The following LYN variants were observed in gnomAD, a reference collection of about 807,000 sequenced individuals.
LYN encodes the protein LYN proto-oncogene, Src family tyrosine kinase, also known as tyrosine-protein kinase Lyn.
In LYN, 12 loss-of-function variants were observed where a neutral mutation model predicts 65.0. The ratio of observed to expected loss-of-function variants is 0.18; its 90% confidence interval spans 0.12 to 0.30. The LOEUF is 0.30. Among genes scored for constraint, LYN ranks in the 10% least tolerant of loss-of-function variants. The pLI is 1.00. For missense variants in LYN, 380 were observed against 623.2 expected (o/e 0.61, Z 4.16); for synonymous variants, 222 against 221.2 (o/e 1.00, Z -0.03).
chr8:55,957,637 ACT>A (rs1261930184), intron 8 of LYN, among the ~76,000 whole-genome samples: 5 of 152,144 alleles, frequency 3.3e-5, no homozygotes, highest in Admixed American at 3.3e-4. Flanking sequence ...TCTTAGTAAC[ACT>A]GTTTTTAAAG....
chr8:55,949,619 A>G (rs1050444748), intron 4 of LYN, among the ~76,000 whole-genome samples: 8 of 152,238 alleles, frequency 5.3e-5, no homozygotes, highest in African/African-American at 1.9e-4. Flanking sequence ...ATATTTTGAT[A>G]CATGTATGCA....
intron 12 of LYN, among the ~76,000 whole-genome samples, chr8:56,004,584 G>T (rs187872712): frequency 2.6e-5 from 4 of 152,052 alleles, no homozygotes; most frequent in African/African-American, 4.8e-5. Flanking sequence ...ATGAGCCACC[G>T]TGTGCAGCCA....
chr8:55,899,984 C>G (rs1282439683), intron 1 of LYN, among the ~76,000 whole-genome samples: 1 of 152,074 alleles, frequency 6.6e-6, no homozygotes, highest in East Asian at 1.9e-4. Context: ...AATTACCTTG[C>G]CAATGTCATG....
At chr8:55,991,657 T>C (rs1018543552) in intron 10 of LYN, among the ~76,000 whole-genome samples, 2 of 151,762 alleles carry the variant, frequency 1.3e-5, no homozygotes, top group Non-Finnish European at 2.9e-5. Flanking sequence ...AGGACAGCAG[T>C]GGGCTCAGCA....
chr8:55,903,291 C>A (rs1055409445), intron 1 of LYN, among the ~76,000 whole-genome samples: 23 of 152,182 alleles, frequency 1.5e-4, no homozygotes, highest in Admixed American at 1.3e-4. Context: ...CCGTGCTGGG[C>A]CTTGTACTTT....
At chr8:55,937,684 AGTTTT>A (rs975770736) in intron 1 of LYN, among the ~76,000 whole-genome samples, 1 of 152,012 alleles carries the variant, frequency 6.6e-6, no homozygotes, top group Non-Finnish European at 1.5e-5. Context: ...GGTAAGAGTG[AGTTTT>A]GTTTTGTTTT....
At chr8:55,912,955 T>A (rs1805682693) in intron 1 of LYN, among the ~76,000 whole-genome samples, 1 of 152,174 alleles carries the variant, frequency 6.6e-6, no homozygotes, top group Non-Finnish European at 1.5e-5. Context: ...AAATCTATAT[T>A]TTGTATTATC....
chr8:55,964,247 G>T (rs1457929693), intron 8 of LYN, among the ~76,000 whole-genome samples: 1 of 151,324 alleles, frequency 6.6e-6, no homozygotes, highest in Non-Finnish European at 1.5e-5. Context: ...TTTTGTTTTA[G>T]AGAAGGGGGT....
At chr8:55,976,218 T>C (rs1429429591) in intron 10 of LYN, among the ~76,000 whole-genome samples, 1 of 150,122 alleles carries the variant, frequency 6.7e-6, no homozygotes, top group African/African-American at 2.5e-5. Flanking sequence ...TCCCAGCTAC[T>C]CCGAAGGCTG....
intron 8 of LYN, among the ~76,000 whole-genome samples, chr8:55,964,536 T>C (rs938900270): frequency 6.6e-6 from 1 of 152,328 alleles, no homozygotes; most frequent in African/African-American, 2.4e-5. Flanking sequence ...AGATGTATAA[T>C]ACATTTCTTT....
chr8:55,962,061 C>T (rs1033245063), intron 8 of LYN, among the ~76,000 whole-genome samples: 4 of 152,244 alleles, frequency 2.6e-5, no homozygotes, highest in Non-Finnish European at 5.9e-5. Flanking sequence ...TGCTCTTTTA[C>T]GTCTTGCCTC....
At chr8:55,978,051 A>G (rs1212449875) in intron 10 of LYN, among the ~76,000 whole-genome samples, 2 of 152,226 alleles carry the variant, frequency 1.3e-5, no homozygotes, top group African/African-American at 2.4e-5. Flanking sequence ...CACTAAAGCC[A>G]AGAAGCACCT....
rs571688572 is a variant in LYN, at chr8:55,968,071, G to A, written c.973+1174G>A. Among the ~76,000 whole-genome samples, 37 of 152,204 alleles carry A rather than the reference G, an allele frequency of 2.4e-4. No homozygotes were observed. In the South Asian group the frequency reaches 7.1e-3, roughly 29 times the overall value. On this transcript the variant is annotated intron_variant, in intron 9 of 12. Coordinates refer to ENST00000519728, the MANE Select transcript of LYN (RefSeq NM_002350.4). ...CAGAGTCTTTCCAAACAATGGCATT[G>A]TTTGTTTTAAAGCAAACAAACCAAT...
chr8:55,942,271 A>G (rs1806632192), intron 2 of LYN, among the ~76,000 whole-genome samples: 1 of 150,330 alleles, frequency 6.7e-6, no homozygotes, highest in African/African-American at 2.4e-5. Flanking sequence ...CCCACTATAT[A>G]TATATACACA....
Position 56,007,830 on chromosome 8 carries a change from T to C in LYN, c.1337-2078T>C, listed in dbSNP as rs10093530. Reference sequence around the variant, plus strand: ...TGTTATAATTCATTTTAAAAAATACTGGTAATTGGCTGGATGCAGTGGCTC... The same window carrying C: ...TGTTATAATTCATTTTAAAAAATACCGGTAATTGGCTGGATGCAGTGGCTC... On this transcript the variant is annotated intron_variant, in intron 12 of 12. Coordinates refer to ENST00000519728, the MANE Select transcript of LYN (RefSeq NM_002350.4). 6.5e-3 allele frequency among the ~76,000 whole-genome samples: 992 copies of C among 152,244 alleles called. 10 individuals carry two copies. Among genetic ancestry groups the C allele is most frequent in the African/African-American group, 0.023 (957 of 41,554 alleles).
chr8:55,911,679 C>T (rs1054497537), intron 1 of LYN, among the ~76,000 whole-genome samples: 6 of 84,046 alleles, frequency 7.1e-5, no homozygotes, highest in African/African-American at 1.5e-4. Flanking sequence ...GTCCTATGAG[C>T]TGCGGGGCAC....
chr8:55,902,586 A>G (rs747989702), intron 1 of LYN: 4 of 269,082 alleles, frequency 1.5e-5, no homozygotes, highest in Non-Finnish European at 2.9e-5. Context: ...ACAATGTTTC[A>G]ATCAATATAT....
At position 55,997,907 on chromosome 8, in the gene LYN, AC is replaced by A. The variant is rs1274188106; in HGVS notation, c.1051-435del. Among the ~76,000 whole-genome samples, 5 of 152,012 alleles carry A rather than the reference AC, an allele frequency of 3.3e-5. No homozygotes were observed. The East Asian group carries it at 9.7e-4, about 29-fold the overall frequency. ...AGACCATCCTGGCTAACATGGTGAA[AC>A]CCCGTCTCTACTAAAAATACAAAAA... On this transcript the variant is annotated intron_variant, in intron 10 of 12. Transcript: ENST00000519728.
chr8:55,962,686 T>C (rs576879055), intron 8 of LYN, among the ~76,000 whole-genome samples: 10 of 152,366 alleles, frequency 6.6e-5, no homozygotes, highest in African/African-American at 2.4e-4. Context: ...CGATCATTTA[T>C]CCATTTATTT....
Sources: gnomAD v4.1 joint callset for allele counts (sites outside exome capture counted in the v4.1 genomes callset) on GRCh38, gnomAD v4.1.1 for gene constraint, MANE v1.5 for transcripts, NCBI Gene and HGNC (gene_info 2026-07-23, HGNC 2026-07-21) for gene names.